Variants in LSAMP observed in about 807,000 individuals in gnomAD.
The protein encoded by LSAMP is limbic system associated membrane protein.
LSAMP carries 7 observed loss-of-function variants against 38.6 expected under a neutral mutation model. The ratio of observed to expected loss-of-function variants is 0.18; its 90% CI spans 0.10 to 0.34. The LOEUF is 0.34. Ranked by LOEUF, LSAMP falls within the 10% of genes least tolerant of loss-of-function variation. The pLI is 1.00. For synonymous variants in LSAMP, 154 were observed against 166.8 expected, an observed-to-expected ratio of 0.92 and a Z score of 0.59; for missense variants, 313 against 420.0, an observed-to-expected ratio of 0.75 and a Z score of 2.23.
At chr3:116,008,712 A>C (rs771793556) in intron 3 of LSAMP, among the ~76,000 whole-genome samples, 3 of 151,624 alleles carry the variant, frequency 2.0e-5, no homozygotes, top group Non-Finnish European at 4.4e-5. Flanking sequence ...TTTTCATGGT[A>C]GAAATGCATT....
intron 1 of LSAMP, among the ~76,000 whole-genome samples, chr3:116,288,036 G>GT (rs2047215806): frequency 6.6e-6 from 1 of 152,194 alleles, no homozygotes; most frequent in African/African-American, 2.4e-5. Flanking sequence ...TTAAAAAAAA[G>GT]TAAGATACTA....
chr3:115,954,508 A>G (rs1416307946), intron 3 of LSAMP, among the ~76,000 whole-genome samples: 2 of 152,200 alleles, frequency 1.3e-5, no homozygotes, highest in Admixed American at 6.5e-5. Flanking sequence ...GGACATGGCA[A>G]ATGGAAACAG....
intron 2 of LSAMP, among the ~76,000 whole-genome samples, chr3:116,080,169 A>G (rs1406577665): frequency 1.3e-5 from 2 of 152,158 alleles, no homozygotes; most frequent in East Asian, 1.9e-4. Flanking sequence ...ACATCTTCCT[A>G]ATAACTCTCA....
intron 1 of LSAMP, among the ~76,000 whole-genome samples, chr3:116,131,146 T>A (rs928302160): frequency 6.6e-6 from 1 of 151,854 alleles, no homozygotes; most frequent in Admixed American, 6.6e-5. Context: ...GCCCTCCACC[T>A]CGCCTGGCTA....
intron 3 of LSAMP, among the ~76,000 whole-genome samples, chr3:115,930,479 G>C (rs187882720): frequency 6.6e-6 from 1 of 152,092 alleles, no homozygotes; most frequent in Non-Finnish European, 1.5e-5. Context: ...TCTTAGCTAG[G>C]TTAGTCTCCT....
At chr3:116,153,842 A>G (rs922903444) in intron 1 of LSAMP, among the ~76,000 whole-genome samples, 1 of 152,090 alleles carries the variant, frequency 6.6e-6, no homozygotes, top group Admixed American at 6.6e-5. Context: ...GAAAGTAGAA[A>G]AAGATAAGTT....
chr3:116,088,785 C>T (rs1184685599), intron 1 of LSAMP, among the ~76,000 whole-genome samples: 1 of 152,134 alleles, frequency 6.6e-6, no homozygotes, highest in East Asian at 1.9e-4. Flanking sequence ...AAAAATACCA[C>T]GTAATATAGC....
chr3:115,992,175 G>A (rs1939689522), intron 3 of LSAMP, among the ~76,000 whole-genome samples: 1 of 152,042 alleles, frequency 6.6e-6, no homozygotes, highest in Admixed American at 6.6e-5. Flanking sequence ...GTTATTGCCA[G>A]ATGAGATGTC....
intron 3 of LSAMP, among the ~76,000 whole-genome samples, chr3:115,965,311 A>C (rs1308543848): frequency 6.6e-6 from 1 of 152,060 alleles, no homozygotes; most frequent in Non-Finnish European, 1.5e-5. Flanking sequence ...TGAGACTATT[A>C]GTTTTTAATT....
intron 2 of LSAMP, among the ~76,000 whole-genome samples, chr3:116,047,464 G>A (rs1027616414): frequency 3.3e-5 from 5 of 150,794 alleles, no homozygotes; most frequent in South Asian, 4.2e-4. Context: ...TTCTGGACTC[G>A]ACCAATTTTT....
intron 1 of LSAMP, among the ~76,000 whole-genome samples, chr3:116,233,074 A>G (rs79086641): frequency 0.011 from 1,718 of 152,120 alleles, 29 homozygotes; most frequent in African/African-American, 0.039. Flanking sequence ...ATTCTTTAGA[A>G]TCTTGTATTA....
At chr3:116,083,595 G>A (rs1305162840) in intron 2 of LSAMP, among the ~76,000 whole-genome samples, 1 of 152,168 alleles carries the variant, frequency 6.6e-6, no homozygotes, top group Non-Finnish European at 1.5e-5. Context: ...ATTGTGTAAG[G>A]AAAAGGAATA....
chr3:116,063,789 A>G (rs1941635820), intron 2 of LSAMP, among the ~76,000 whole-genome samples: 4 of 152,206 alleles, frequency 2.6e-5, no homozygotes, highest in Admixed American at 2.6e-4. Flanking sequence ...TATAGACTGT[A>G]AAGTAGGTAT....
intron 1 of LSAMP, among the ~76,000 whole-genome samples, chr3:116,307,129 GA>G (rs2047494753): frequency 3.9e-5 from 6 of 151,938 alleles, no homozygotes; most frequent in Admixed American, 2.6e-4. Flanking sequence ...CATTTAGTTA[GA>G]AAAAAGTTTC....
chr3:115,865,150 G>T (rs1935821314), intron 3 of LSAMP, among the ~76,000 whole-genome samples: 1 of 152,144 alleles, frequency 6.6e-6, no homozygotes, highest in African/African-American at 2.4e-5. Context: ...TATTTGGTAT[G>T]CTACTATCAG....
At chr3:115,868,028 A>C (rs1935910538) in intron 3 of LSAMP, among the ~76,000 whole-genome samples, 1 of 152,106 alleles carries the variant, frequency 6.6e-6, no homozygotes, top group Non-Finnish European at 1.5e-5. Context: ...ACTTGTTTCT[A>C]ACCAATATTC....
chr3:116,437,010 T>C (rs191549563), intron 1 of LSAMP, among the ~76,000 whole-genome samples: 51 of 147,982 alleles, frequency 3.4e-4, no homozygotes, highest in African/African-American at 6.6e-4. Context: ...TATATATGTG[T>C]ATATATATGT....
At chr3:116,103,814 A>C (rs1355122133) in intron 1 of LSAMP, among the ~76,000 whole-genome samples, 1 of 152,214 alleles carries the variant, frequency 6.6e-6, no homozygotes, top group African/African-American at 2.4e-5. Context: ...TAAGTGTATC[A>C]GTGCAGTAAT....
chr3:116,387,157 C>T (rs1456703139), intron 1 of LSAMP, among the ~76,000 whole-genome samples: 1 of 152,008 alleles, frequency 6.6e-6, no homozygotes, highest in African/African-American at 2.4e-5. Context: ...GTAGCATTGA[C>T]AGGAGTAGCA....
Sources: allele counts gnomAD v4.1 joint callset (sites outside exome capture counted in the v4.1 genomes callset), GRCh38; gene constraint gnomAD v4.1.1; transcripts MANE v1.5; gene names NCBI Gene and HGNC (gene_info 2026-07-23, HGNC 2026-07-21).